CD6: variants seen among roughly 807,000 people sequenced by gnomAD.
The protein encoded by CD6 is T-cell differentiation antigen CD6.
In CD6, 53 loss-of-function variants were observed where a neutral mutation model predicts 75.3. That is an observed-to-expected ratio of 0.70 (90% CI 0.56 to 0.88). CD6 has a LOEUF of 0.88. Among genes scored for constraint, CD6 ranks in the 40% least tolerant of loss-of-function variants. The pLI, the probability that CD6 is intolerant of heterozygous loss-of-function variation, is 0.00. For synonymous variants in CD6, 359 were observed against 381.5 expected (o/e 0.94, Z 0.69); for missense variants, 770 against 897.1 (o/e 0.86, Z 1.81).
In CD6 at chr11:60,976,381, T is replaced by A. The variant is rs3019561; in HGVS notation, c.49+4467T>A. 3.7e-4 allele frequency among the ~76,000 whole-genome samples: 56 copies of A among 152,174 alleles called. No individual in the cohort carries two copies. The East Asian group carries it at 6.9e-3, about 19-fold the overall frequency. ...AAATTTTCTACTTCAAAATTGAACC[T>A]AAGTCAATTACCTGCTCACATTCAT... On this transcript the variant is annotated intron_variant, in intron 1 of 12. Coordinates refer to ENST00000313421, the MANE Select transcript of CD6 (RefSeq NM_006725.5).
At chr11:60,977,374 C>T (rs1230153163) in intron 1 of CD6, among the ~76,000 whole-genome samples, 4 of 152,112 alleles carry the variant, frequency 2.6e-5, no homozygotes, top group Non-Finnish European at 1.5e-5. Context: ...TGAGCTTTAA[C>T]ATCCATGCCA....
chr11:61,000,583 G>C (rs1423004869), intron 1 of CD6, among the ~76,000 whole-genome samples: 1 of 152,168 alleles, frequency 6.6e-6, no homozygotes, highest in Non-Finnish European at 1.5e-5. Context: ...GCGGCATTCT[G>C]GGGAGTGCCT....
chr11:61,014,118 G>C, intron 8 of CD6, 104 bp downstream of exon 8: 5 of 806,174 alleles, frequency 6.2e-6, no homozygotes, highest in Non-Finnish European at 9.8e-6. Context: ...CACACAGCTG[G>C]AGATGAGATC....
In CD6 at chr11:60,980,216, G is replaced by A. The variant is rs574297813; in HGVS notation, c.49+8302G>A. Among the ~76,000 whole-genome samples, 3 of 152,262 alleles carry A rather than the reference G, an allele frequency of 2.0e-5. No individual in the cohort carries two copies. In the South Asian group the frequency reaches 6.2e-4, roughly 32 times the overall value. ...TGAGTCCATAGTTTGAAAATAAGAA[G>A]TTAAGGGGGAAAAAAGGATTTCAGC... On this transcript the variant is annotated intron_variant, in intron 1 of 12. Transcript: ENST00000313421.
At chr11:60,975,210 G>A (rs151239840) in intron 1 of CD6, among the ~76,000 whole-genome samples, 3 of 152,264 alleles carry the variant, frequency 2.0e-5, no homozygotes, top group African/African-American at 7.2e-5. Flanking sequence ...AACAGACCTA[G>A]CATCCTTAAA....
intron 8 of CD6, among the ~76,000 whole-genome samples, chr11:61,014,386 A>C (rs1419571497): frequency 6.6e-6 from 1 of 152,218 alleles, no homozygotes; most frequent in Non-Finnish European, 1.5e-5. Context: ...GCGAAGCCCC[A>C]TCAAGATTCT....
chr11:61,018,144 G>A, intron 11 of CD6, 131 bp downstream of exon 11: 5 of 1,325,650 alleles, frequency 3.8e-6, no homozygotes, highest in Non-Finnish European at 5.2e-6. Context: ...TGTGCCCTTG[G>A]ACACATCTCC....
intron 1 of CD6, among the ~76,000 whole-genome samples, chr11:60,985,399 G>C (rs1264432881): frequency 3.3e-5 from 5 of 151,730 alleles, no homozygotes; most frequent in Non-Finnish European, 7.4e-5. Context: ...TAGCCAGGCT[G>C]GTCTCAAACT....
intron 1 of CD6, among the ~76,000 whole-genome samples, chr11:60,995,372 C>T (rs1016859314): frequency 3.9e-5 from 6 of 152,020 alleles, no homozygotes; most frequent in South Asian, 4.1e-4. Flanking sequence ...CTCGAACTCC[C>T]GACCTCAGCT....
rs1859589818 is a variant in CD6 at position 61,019,841 on chromosome 11, G to A, written c.*523G>A. On this transcript the variant is annotated 3_prime_UTR_variant, in exon 13 of 13. Coordinates refer to ENST00000313421, the MANE Select transcript of CD6 (RefSeq NM_006725.5). Reference sequence around the variant, plus strand: ...CGGTGGGCGCTGGGGGGGTAGGGTAGCACACCAGCTGTCCCAGGCTTTGCT... The same window carrying A: ...CGGTGGGCGCTGGGGGGGTAGGGTAACACACCAGCTGTCCCAGGCTTTGCT... The A allele has an allele frequency of 8.2e-6, 2 of 243,354 alleles. No individual in the cohort carries two copies. The highest frequency in any genetic ancestry group is 7.8e-6 in the Non-Finnish European group (1 of 128,264). 15.1% of individuals were successfully genotyped at this position (243,354 alleles called of 1,614,324 possible). A position where few individuals can be genotyped will look rare whatever the true frequency, so the allele number is the denominator to read the frequency against.
chr11:60,989,378 TC>T (rs1269166460), intron 1 of CD6: 2 of 152,342 alleles, frequency 1.3e-5, no homozygotes, highest in Non-Finnish European at 2.9e-5. Context: ...AGCGAAATGC[TC>T]CTTGACTTTG....
chr11:60,985,711 A>C lies in CD6; in HGVS notation c.49+13797A>C, dbSNP rs550733497. Among the ~76,000 whole-genome samples, 50 of 152,308 alleles carry C rather than the reference A, an allele frequency of 3.3e-4. No individual in the cohort carries two copies. The Middle Eastern group carries it at 0.01, about 31-fold the overall frequency. On this transcript the variant is annotated intron_variant, in intron 1 of 12. Transcript: ENST00000313421. ...AGTGGCTGATGCCTGTCATGCCAGC[A>C]CTTTGGGAGGCCAAGACAGGCAGGT...
chr11:60,974,607 C>A (rs941320924), intron 1 of CD6, among the ~76,000 whole-genome samples: 1 of 152,208 alleles, frequency 6.6e-6, no homozygotes. Flanking sequence ...CCAGGTGGCC[C>A]GGGTGCTGGG....
intron 1 of CD6, among the ~76,000 whole-genome samples, chr11:60,986,678 G>T (rs1857830689): frequency 6.6e-6 from 1 of 152,134 alleles, no homozygotes; most frequent in Non-Finnish European, 1.5e-5. Context: ...CCTCTTACGG[G>T]TTCCTTCCCC....
chr11:60,992,125 C>A (rs1858088742), intron 1 of CD6, among the ~76,000 whole-genome samples: 1 of 152,126 alleles, frequency 6.6e-6, no homozygotes, highest in South Asian at 2.1e-4. Context: ...AGCAATCCAC[C>A]CACCTTGGCC....
At chr11:60,987,549 G>T (rs1857872946) in intron 1 of CD6, among the ~76,000 whole-genome samples, 1 of 152,086 alleles carries the variant, frequency 6.6e-6, no homozygotes, top group Non-Finnish European at 1.5e-5. Context: ...TGTAGGGTGT[G>T]TGTGTGTACA....
intron 1 of CD6, among the ~76,000 whole-genome samples, chr11:60,982,116 TGGGGGGCGG>T (rs1857587642): frequency 5.3e-5 from 1 of 19,012 alleles, no homozygotes; most frequent in Non-Finnish European, 1.0e-4. Flanking sequence ...GATGCCCGGG[TGGGGGGCGG>T]TCTGTGCATG....
intron 1 of CD6, among the ~76,000 whole-genome samples, chr11:60,980,874 G>A (rs1460502678): frequency 6.6e-6 from 1 of 152,098 alleles, no homozygotes; most frequent in African/African-American, 2.4e-5. Flanking sequence ...TTGAAAGAAA[G>A]ACCCATTTGA....
At chr11:61,009,899 C>G in intron 5 of CD6, 25 bp downstream of exon 5, 6 of 1,520,716 alleles carry the variant, frequency 3.9e-6, no homozygotes, top group African/African-American at 1.4e-5. Flanking sequence ...TCCACCCCCC[C>G]AGATTTGAGC....
Sources: allele counts gnomAD v4.1 joint callset (sites outside exome capture counted in the v4.1 genomes callset), GRCh38; gene constraint gnomAD v4.1.1; transcripts MANE v1.5; gene names NCBI Gene and HGNC (gene_info 2026-07-23, HGNC 2026-07-21).